CORT: variants seen among roughly 807,000 people sequenced by gnomAD.
The protein encoded by CORT is cortistatin-14.
CORT carries 2 observed loss-of-function variants against 4.4 expected under a neutral mutation model. The ratio of observed to expected loss-of-function variants is 0.46; its 90% CI spans 0.19 to 1.44. The LOEUF (loss-of-function observed/expected upper bound fraction) is 1.44. Among genes scored for constraint, CORT ranks in the 40% most tolerant of loss-of-function variants. The pLI, the probability that CORT is intolerant of heterozygous loss-of-function variation, is 0.26. For synonymous variants in CORT, 72 were observed against 62.0 expected, an observed-to-expected ratio of 1.16 and a Z score of -0.75; for missense variants, 158 against 140.2, an observed-to-expected ratio of 1.13 and a Z score of -0.64.
chr1:10,450,174 G>T lies in CORT; in HGVS notation c.-50G>T. 1 of 1,610,290 alleles carries T rather than the reference G, an allele frequency of 6.2e-7. No individual in the cohort carries two copies. Among genetic ancestry groups the T allele is most frequent in the Non-Finnish European group, 8.5e-7 (1 of 1,178,428 alleles). On this transcript the variant is annotated 5_prime_UTR_variant, in exon 1 of 2. Transcript: ENST00000377049. Reference sequence around the variant, plus strand: ...AAAACATTGATTTCAGGGCTGCCAGGAAGGAAGAGCAGCAGCAGGGTGGGA... The same window carrying T: ...AAAACATTGATTTCAGGGCTGCCAGTAAGGAAGAGCAGCAGCAGGGTGGGA...
Position 10,451,831 on chromosome 1 carries a change from T to A in CORT, c.*236T>A. ...GTGCTGAGTGCGGGCACTGGGCTTT[T>A]CTTCTGATGTTCATTATGGTGCTGG... On this transcript the variant is annotated 3_prime_UTR_variant, in exon 2 of 2. Transcript: ENST00000377049. 4.2e-6 allele frequency: 2 copies of A among 479,070 alleles called. No individual in the cohort carries two copies. Among genetic ancestry groups the A allele is most frequent in the South Asian group, 9.1e-5 (2 of 21,944 alleles). The allele number at this position is 479,070 out of a possible 1,614,324, so 29.7% of individuals were successfully genotyped here.
Position 10,451,611 on chromosome 1 carries a change from T to A in CORT, c.*16T>A, listed in dbSNP as rs375360298. 1 of 1,605,986 alleles carries A rather than the reference T, an allele frequency of 6.2e-7. No individual in the cohort carries two copies. ...CTGCAAATAAAACCTCACCCATGAA[T>A]GCTCACGCAAGTGTAATGACAGACC... On this transcript the variant is annotated 3_prime_UTR_variant, in exon 2 of 2. Coordinates refer to ENST00000377049, the MANE Select transcript of CORT (RefSeq NM_001302.5).
At position 10,450,332 on chromosome 1, in the gene CORT, G is replaced by T. The variant is rs748202780; in HGVS notation, c.99+10G>T. ...CGGCCGAGACAGCGAGGTGAGTACA[G>T]TCCCGACGTGGCCACACGCTAGCCC... On this transcript the variant is annotated intron_variant, in intron 1 of 1. Coordinates refer to ENST00000377049, the MANE Select transcript of CORT (RefSeq NM_001302.5). 1 of 1,478,284 alleles carries T rather than the reference G, an allele frequency of 6.8e-7. No individual in the cohort carries two copies. Among genetic ancestry groups the T allele is most frequent in the East Asian group, 2.4e-5 (1 of 41,342 alleles). 91.6% of individuals were successfully genotyped at this position (1,478,284 alleles called of 1,614,324 possible). A position where few individuals can be genotyped will look rare whatever the true frequency, so the allele number is the denominator to read the frequency against.
In CORT at chr1:10,451,463, C is replaced by T. The variant is rs375132033; in HGVS notation, c.186C>T (p.Ala62=). 7.8e-5 allele frequency: 126 copies of T among 1,614,092 alleles called. No individual in the cohort carries two copies. In the South Asian group the frequency reaches 7.9e-4, roughly 10 times the overall value. The change falls in exon 2 of 2, where the codon GCC becomes GCT. Residue 62 remains alanine (A), a synonymous_variant. Transcript: ENST00000377049. ...TTGAGTGGACCTCCCAGGCCAGTGC[C>T]GGGCCCCTCATAGGAGAGGAAGCCC... ...WWFEWTSQAS[A]GPLIGEEARE...
chr1:10,450,214 A>G lies in CORT; in HGVS notation c.-10A>G. The G allele has an allele frequency of 6.2e-7, 1 of 1,608,120 alleles. No individual in the cohort carries two copies. Among genetic ancestry groups the G allele is most frequent in the South Asian group, 1.1e-5 (1 of 89,936 alleles). On this transcript the variant is annotated 5_prime_UTR_variant, in exon 1 of 2. Transcript: ENST00000377049. ...GCAGGGTGGGAGAGAAGCTCCAGTC[A>G]GCCCACAAGATGCCATTGTCCCCCG...
intron 1 of CORT, among the ~76,000 whole-genome samples, chr1:10,451,146 A>G (rs1361513644): frequency 6.6e-6 from 1 of 152,140 alleles, no homozygotes; most frequent in Non-Finnish European, 1.5e-5. Flanking sequence ...AATTAAAGCA[A>G]TTTCTTTAAG....
intron 1 of CORT, among the ~76,000 whole-genome samples, 184 bp from the exon 2 acceptor site, chr1:10,451,193 G>A (rs989722817): frequency 1.3e-5 from 2 of 152,074 alleles, no homozygotes; most frequent in Non-Finnish European, 2.9e-5. Flanking sequence ...TCCGTTAAAT[G>A]GAAATGAGGC....
At position 10,450,057 on chromosome 1, in the gene CORT, G is replaced by T. The variant is rs768641510; in HGVS notation, c.-167G>T. 120 of 1,524,030 alleles carry T rather than the reference G, an allele frequency of 7.9e-5. No individual in the cohort carries two copies. Among genetic ancestry groups the T allele is most frequent in the Non-Finnish European group, 1.0e-4 (116 of 1,130,700 alleles). The allele number at this position is 1,524,030 out of a possible 1,614,324, so 94.4% of individuals were successfully genotyped here. ...TCACTGCGCGAGGGAAGAGGGAAGA[G>T]GATCCAGGCGTTAGACATGTATAGA... On this transcript the variant is annotated 5_prime_UTR_variant, in exon 1 of 2. The change creates a new upstream start codon in the 5' untranslated region. Transcript: ENST00000377049.
In CORT at chr1:10,451,921, ATCT is replaced by A. The variant is rs1225897306; in HGVS notation, c.*328_*330del. 1 of 201,138 alleles carries A rather than the reference ATCT, an allele frequency of 5.0e-6. No individual in the cohort carries two copies. Among genetic ancestry groups the A allele is most frequent in the African/African-American group, 2.3e-5 (1 of 43,390 alleles). The allele number at this position is 201,138 out of a possible 1,614,324, so 12.5% of individuals were successfully genotyped here. The stretch of plus-strand genomic sequence containing the variant: ...TACACAATTAAGAGTTCAGAATAAC[ATCT>A]TATTTCAGTTTATGAATTGATATGA... On this transcript the variant is annotated 3_prime_UTR_variant, in exon 2 of 2. Coordinates refer to ENST00000377049, the MANE Select transcript of CORT (RefSeq NM_001302.5).
chr1:10,451,257 G>A (rs1640775966), intron 1 of CORT, 120 bp from the exon 2 acceptor site: 2 of 1,256,750 alleles, frequency 1.6e-6, no homozygotes, highest in Non-Finnish European at 2.1e-6. Flanking sequence ...TTTTCTCCAG[G>A]GTAGTCTTTT....
rs571865438 is a variant in CORT at position 10,451,549 on chromosome 1, T to C, written c.272T>C (p.Met91Thr). The C allele has an allele frequency of 1.0e-4, 162 of 1,613,920 alleles. 1 individual carries two copies. In the South Asian group the frequency reaches 1.7e-3, roughly 17 times the overall value. Residue 91 changes from methionine to threonine, a missense_variant, in exon 2 of 2, where the codon ATG (methionine) becomes ACG (threonine). Transcript: ENST00000377049. ...CAGCAATCTGCGCGCCGGGACAGAA[T>C]GCCCTGCAGGAACTTCTTCTGGAAG... Reference protein sequence around the residue: ...PPQQSARRDRMPCRNFFWKTF... With the variant: ...PPQQSARRDRTPCRNFFWKTF...
chr1:10,451,396 GA>G lies in CORT; in HGVS notation c.121del (p.Ile41Ter). The G allele has an allele frequency of 6.2e-7, 1 of 1,611,854 alleles. No individual in the cohort carries two copies. Among genetic ancestry groups the G allele is most frequent in the Non-Finnish European group, 8.5e-7 (1 of 1,178,882 alleles). Reference protein sequence around the residue: ...RDSEHMQEAAGIRKSSLLTFL... With the variant: ...RDSEHMQEAAXIRKSSLLTFL... ...TAAAAGCATATGCAGGAAGCGGCAG[GA>G]ATAAGGAAAAGCAGCCTCCTGACTT... On this transcript the variant is annotated frameshift_variant, in exon 2 of 2. Transcript: ENST00000377049. LOFTEE classifies it low-confidence loss of function (END_TRUNC).
At chr1:10,451,173 C>T (rs1233407048) in intron 1 of CORT, among the ~76,000 whole-genome samples, 1 of 152,194 alleles carries the variant, frequency 6.6e-6, no homozygotes, top group Non-Finnish European at 1.5e-5. Flanking sequence ...TCTTCACTTT[C>T]TCATCCTCAT....
Position 10,451,576 on chromosome 1 carries a change from C to A in CORT, c.299C>A (p.Thr100Asn). 4 of 1,612,658 alleles carry A rather than the reference C, an allele frequency of 2.5e-6. No individual in the cohort carries two copies. The highest frequency in any genetic ancestry group is 3.4e-6 in the Non-Finnish European group (4 of 1,179,560). ...CCCTGCAGGAACTTCTTCTGGAAGA[C>A]CTTCTCCTCCTGCAAATAAAACCTC... ...RMPCRNFFWK[T>N]FSSCK Residue 100 changes from threonine to asparagine, a missense_variant, in exon 2 of 2, where the codon ACC (threonine) becomes AAC (asparagine). Physicochemically the swap from Thr to Asn is moderately conservative, Grantham distance 65 (BLOSUM62 0). Coordinates refer to ENST00000377049, the MANE Select transcript of CORT (RefSeq NM_001302.5).
Position 10,451,578 on chromosome 1 carries a change from T to A in CORT, c.301T>A (p.Phe101Ile), listed in dbSNP as rs776489624. The A allele has an allele frequency of 5.0e-6, 8 of 1,612,494 alleles. 1 individual carries two copies. The Admixed American group carries it at 1.0e-4, about 20-fold the overall frequency. ...MPCRNFFWKT[F>I]SSCK ...CTGCAGGAACTTCTTCTGGAAGACC[T>A]TCTCCTCCTGCAAATAAAACCTCAC... is the stretch of plus-strand genomic sequence containing the variant. Residue 101 changes from phenylalanine (F) to isoleucine (I), a missense_variant, in exon 2 of 2, where the codon TTC (phenylalanine) becomes ATC (isoleucine). Coordinates refer to ENST00000377049, the MANE Select transcript of CORT (RefSeq NM_001302.5).
chr1:10,451,370 T>A lies in CORT; in HGVS notation c.100-7T>A. ...TCTTTCCTTTGCCATCTGCTTCTCTTTAAAAGCATATGCAGGAAGCGGCAG... is the reference window on the plus strand; with the variant it reads ...TCTTTCCTTTGCCATCTGCTTCTCTATAAAAGCATATGCAGGAAGCGGCAG... On this transcript the variant is annotated splice_polypyrimidine_tract_variant and splice_region_variant and intron_variant, in intron 1 of 1. Transcript: ENST00000377049. 1 of 1,596,084 alleles carries A rather than the reference T, an allele frequency of 6.3e-7. No individual in the cohort carries two copies. The highest frequency in any genetic ancestry group is 2.2e-5 in the East Asian group (1 of 44,496).
At chr1:10,450,399 G>A in intron 1 of CORT, 77 bp downstream of exon 1, 1 of 1,333,170 alleles carries the variant, frequency 7.5e-7, no homozygotes. Flanking sequence ...CATGGTGTGT[G>A]TGTGTGCACG....
In CORT at chr1:10,450,207, T is replaced by C; in HGVS notation, c.-17T>C. ...AGCAGCAGCAGGGTGGGAGAGAAGC[T>C]CCAGTCAGCCCACAAGATGCCATTG... On this transcript the variant is annotated 5_prime_UTR_variant, in exon 1 of 2. Transcript: ENST00000377049. 6.2e-7 allele frequency: 1 copy of C among 1,610,556 alleles called. No homozygotes were observed.
In CORT at chr1:10,450,049, A is replaced by C. The variant is rs780089892; in HGVS notation, c.-175A>C. 2 of 1,506,764 alleles carry C rather than the reference A, an allele frequency of 1.3e-6. No individual in the cohort carries two copies. Among genetic ancestry groups the C allele is most frequent in the Admixed American group, 4.3e-5 (2 of 46,788 alleles). 93.3% of individuals were successfully genotyped at this position (1,506,764 alleles called of 1,614,324 possible). On this transcript the variant is annotated 5_prime_UTR_variant, in exon 1 of 2. Transcript: ENST00000377049. ...CTTCTGCGTCACTGCGCGAGGGAAG[A>C]GGGAAGAGGATCCAGGCGTTAGACA...
Sources: gnomAD v4.1 joint callset for allele counts (sites outside exome capture counted in the v4.1 genomes callset) on GRCh38, gnomAD v4.1.1 for gene constraint, MANE v1.5 for transcripts, NCBI Gene and HGNC (gene_info 2026-07-23, HGNC 2026-07-21) for gene names.